SOCS2: variants seen among roughly 807,000 people sequenced by gnomAD.
SOCS2 encodes CIS-2.
A neutral mutation model predicts 18.6 loss-of-function variants in SOCS2; 10 were observed. The observed-to-expected ratio is 0.54, with a 90% CI of 0.33 to 0.91. The LOEUF (loss-of-function observed/expected upper bound fraction) is 0.91, where lower values mean the gene tolerates loss of function less well. SOCS2 is among the 40% of genes least tolerant of loss of function. The pLI is 0.02. For missense variants in SOCS2, 231 were observed against 247.2 expected, an observed-to-expected ratio of 0.93 and a Z score of 0.44; for synonymous variants, 104 against 104.0, an observed-to-expected ratio of 1.00 and a Z score of 0.00.
At chr12:93,620,384 C>T in the SOCS2 span, among the ~76,000 whole-genome samples, 2 of 152,000 alleles carry the variant, frequency 1.3e-5, no homozygotes, top group African/African-American at 4.8e-5. Flanking sequence ...CAATGTTGTC[C>T]TGAAGAGTTT....
At chr12:93,586,795 TTCAC>T (rs1163609316), downstream of SOCS2, among the ~76,000 whole-genome samples, 1 of 152,230 alleles carries the variant, frequency 6.6e-6, no homozygotes, top group African/African-American at 2.4e-5. Flanking sequence ...CAATCATTCA[TTCAC>T]TCACTCATTC....
At chr12:93,601,431 T>C in the SOCS2 span, among the ~76,000 whole-genome samples, 2 of 151,922 alleles carry the variant, frequency 1.3e-5, no homozygotes, top group Admixed American at 6.6e-5. Context: ...CCCACCACCA[T>C]GGCCGGCTTT....
upstream of SOCS2, chr12:93,571,778 C>T: frequency 5.5e-6 from 2 of 361,744 alleles, no homozygotes; most frequent in South Asian, 1.9e-5. Context: ...TAAACGTTAA[C>T]GGGGGAAACA....
the SOCS2 span, among the ~76,000 whole-genome samples, chr12:93,598,989 C>T: frequency 6.6e-6 from 1 of 152,100 alleles, no homozygotes. Context: ...ATTTCCTCAC[C>T]TCCTCAACAG....
chr12:93,573,219 TC>T, intron 1 of SOCS2, 183 bp downstream of exon 1: 1 of 746,886 alleles, frequency 1.3e-6, no homozygotes, highest in Non-Finnish European at 2.1e-6. Context: ...AAAGTGGTTC[TC>T]CAGGGACTCA....
At position 93,575,071 on chromosome 12, in the gene SOCS2, G is replaced by A. The variant is rs543283269; in HGVS notation, c.489G>A (p.Leu163=). The A allele has an allele frequency of 1.2e-6, 2 of 1,614,060 alleles. No individual in the cohort carries two copies. The highest frequency in any genetic ancestry group is 2.2e-5 in the East Asian group (1 of 44,888). ...TKPLYTSAPS[L]QHLCRLTINK... ...CGCTCTACACGTCAGCACCATCTCT[G>A]CAGCATCTCTGTAGGCTCACCATTA... Residue 163 remains leucine (L), a synonymous_variant, in exon 2 of 2, where the codon CTG becomes CTA. Transcript: ENST00000551556.
At chr12:93,615,593 A>T in the SOCS2 span, among the ~76,000 whole-genome samples, 1 of 152,146 alleles carries the variant, frequency 6.6e-6, no homozygotes, top group African/African-American at 2.4e-5. Context: ...AAAGTGTGAA[A>T]GTATTTGTTC....
upstream of SOCS2, chr12:93,571,551 C>G (rs1565836933): frequency 5.7e-6 from 1 of 176,800 alleles, no homozygotes; most frequent in East Asian, 1.9e-4. Flanking sequence ...TCCCTCCCTC[C>G]CTCTCTCCTT....
chr12:93,617,316 A>C, the SOCS2 span, among the ~76,000 whole-genome samples: 1 of 152,080 alleles, frequency 6.6e-6, no homozygotes, highest in East Asian at 1.9e-4. Context: ...AATTTCAACA[A>C]CCAGCTAAAC....
Position 93,573,045 on chromosome 12 carries a change from C to T in SOCS2, c.139+9C>T. On this transcript the variant is annotated intron_variant, in intron 1 of 1. Transcript: ENST00000551556. ...GGAGCTCGGTCAGACAGGTAGGGAGCCGATCGGCCGCGACGCGTGCGGGAG... is the reference window on the plus strand; with the variant it reads ...GGAGCTCGGTCAGACAGGTAGGGAGTCGATCGGCCGCGACGCGTGCGGGAG... 6.4e-7 allele frequency: 1 copy of T among 1,559,322 alleles called. No individual in the cohort carries two copies. Among genetic ancestry groups the T allele is most frequent in the Non-Finnish European group, 8.6e-7 (1 of 1,157,898 alleles).
At chr12:93,622,449 C>T in the SOCS2 span, among the ~76,000 whole-genome samples, 12 of 152,320 alleles carry the variant, frequency 7.9e-5, no homozygotes, top group Non-Finnish European at 8.8e-5. Context: ...GGCATGTCAG[C>T]TATGATGCTG....
At chr12:93,603,948 TAAATC>T in the SOCS2 span, among the ~76,000 whole-genome samples, 1 of 152,226 alleles carries the variant, frequency 6.6e-6, no homozygotes, top group Non-Finnish European at 1.5e-5. Context: ...ATTTCCGACT[TAAATC>T]TATTGACTTC....
chr12:93,616,304 G>A, the SOCS2 span, among the ~76,000 whole-genome samples: 1 of 152,226 alleles, frequency 6.6e-6, no homozygotes, highest in Non-Finnish European at 1.5e-5. Flanking sequence ...GTCACCAGAG[G>A]CAGACAGCCA....
the SOCS2 span, among the ~76,000 whole-genome samples, chr12:93,620,889 T>C: frequency 1.3e-5 from 2 of 152,254 alleles, no homozygotes; most frequent in Non-Finnish European, 2.9e-5. Flanking sequence ...CAGTGTCTCC[T>C]GGTATATGCA....
chr12:93,585,937 C>A (rs575482227), downstream of SOCS2, among the ~76,000 whole-genome samples: 3 of 152,296 alleles, frequency 2.0e-5, no homozygotes, highest in Middle Eastern at 3.4e-3. Context: ...TAAATCATCT[C>A]TAAATTACTT....
At chr12:93,615,972 G>A in the SOCS2 span, among the ~76,000 whole-genome samples, 3 of 152,196 alleles carry the variant, frequency 2.0e-5, no homozygotes, top group African/African-American at 4.8e-5. Context: ...CAGGCTCAGA[G>A]GTGGAAAGAT....
downstream of SOCS2, among the ~76,000 whole-genome samples, chr12:93,578,422 G>A (rs140833686): frequency 2.6e-5 from 4 of 152,244 alleles, no homozygotes; most frequent in African/African-American, 4.8e-5. Flanking sequence ...GTTTAGGCAC[G>A]GGGTAGGTGG....
At chr12:93,625,438 G>A in the SOCS2 span, among the ~76,000 whole-genome samples, 14 of 152,108 alleles carry the variant, frequency 9.2e-5, no homozygotes, top group African/African-American at 3.1e-4. Flanking sequence ...TCAGGATTCA[G>A]CCCTTCAAAG....
chr12:93,616,221 A>G, the SOCS2 span, among the ~76,000 whole-genome samples: 1 of 152,226 alleles, frequency 6.6e-6, no homozygotes, highest in African/African-American at 2.4e-5. Context: ...GACATTGGAA[A>G]GAGAAGTTTA....
Sources: allele counts gnomAD v4.1 joint callset (sites outside exome capture counted in the v4.1 genomes callset), GRCh38; gene constraint gnomAD v4.1.1; transcripts MANE v1.5; gene names NCBI Gene and HGNC (gene_info 2026-07-23, HGNC 2026-07-21).